The following GRIK4 variants were observed in gnomAD, a reference collection of about 807,000 sequenced individuals.
GRIK4 encodes glutamate receptor ionotropic, kainate 4.
Under a neutral mutation model 104.9 loss-of-function variants are expected in GRIK4, and 40 were observed. The ratio of observed to expected loss-of-function variants is 0.38; its 90% CI spans 0.30 to 0.50. The LOEUF (loss-of-function observed/expected upper bound fraction) is 0.50, where lower values mean the gene tolerates loss of function less well. Among genes scored for constraint, GRIK4 ranks in the 20% least tolerant of loss-of-function variants. The pLI, the probability that GRIK4 is intolerant of heterozygous loss-of-function variation, is 0.93. For missense variants in GRIK4, 1,047 were observed against 1,308.1 expected, an observed-to-expected ratio of 0.80 and a Z score of 3.08; for synonymous variants, 485 against 524.9, an observed-to-expected ratio of 0.92 and a Z score of 1.04.
intron 12 of GRIK4, among the ~76,000 whole-genome samples, chr11:120,899,425 A>G (rs1387461773): frequency 1.3e-5 from 2 of 151,092 alleles, no homozygotes; most frequent in African/African-American, 4.9e-5. Context: ...TCTCAAAAAA[A>G]AAAAAAAAAA....
At chr11:120,889,907 G>A (rs1368229314) in intron 11 of GRIK4, among the ~76,000 whole-genome samples, 1 of 152,108 alleles carries the variant, frequency 6.6e-6, no homozygotes, top group Non-Finnish European at 1.5e-5. Context: ...CCCAGTCAGA[G>A]CTTGCATTTG....
intron 3 of GRIK4, among the ~76,000 whole-genome samples, chr11:120,673,918 C>T (rs1359225161): frequency 6.6e-6 from 1 of 152,194 alleles, no homozygotes; most frequent in Non-Finnish European, 1.5e-5. Context: ...ACTCATTCCT[C>T]CTTTGAATCA....
chr11:120,718,945 G>T (rs760170439), intron 3 of GRIK4, among the ~76,000 whole-genome samples: 9 of 152,208 alleles, frequency 5.9e-5, no homozygotes, highest in Non-Finnish European at 1.0e-4. Flanking sequence ...CATAGGAATG[G>T]TTTGCTAAGA....
chr11:120,923,833 G>C (rs1447276080), intron 13 of GRIK4, among the ~76,000 whole-genome samples: 1 of 152,228 alleles, frequency 6.6e-6, no homozygotes, highest in Non-Finnish European at 1.5e-5. Flanking sequence ...CACACAGCTA[G>C]CCAGAGGCAG....
At chr11:120,951,158 C>G (rs911733311) in intron 14 of GRIK4, among the ~76,000 whole-genome samples, 1 of 152,192 alleles carries the variant, frequency 6.6e-6, no homozygotes, top group Non-Finnish European at 1.5e-5. Context: ...TTTCCATCCT[C>G]TCCGTGTACC....
chr11:120,541,288 G>GT (rs1208555222), intron 1 of GRIK4, among the ~76,000 whole-genome samples: 1 of 152,228 alleles, frequency 6.6e-6, no homozygotes, highest in African/African-American at 2.4e-5. Flanking sequence ...ACTTTGAACA[G>GT]TTATATTGGA....
At chr11:120,877,366 A>G (rs1035579253) in intron 11 of GRIK4, among the ~76,000 whole-genome samples, 2 of 152,224 alleles carry the variant, frequency 1.3e-5, no homozygotes, top group African/African-American at 4.8e-5. Context: ...GAGAGTGCTC[A>G]TGGTCTGTCC....
intron 1 of GRIK4, among the ~76,000 whole-genome samples, chr11:120,612,950 C>T (rs1400226329): frequency 6.6e-6 from 1 of 152,244 alleles, no homozygotes; most frequent in African/African-American, 2.4e-5. Flanking sequence ...GGTGCAAACC[C>T]GAGTGTGTGT....
At chr11:120,808,398 G>A (rs1565364756) in intron 4 of GRIK4, among the ~76,000 whole-genome samples, 1 of 152,198 alleles carries the variant, frequency 6.6e-6, no homozygotes, top group Non-Finnish European at 1.5e-5. Context: ...CCCTCTCAGG[G>A]TTGTTGTAGA....
At chr11:120,685,038 G>A (rs564961925) in intron 3 of GRIK4, among the ~76,000 whole-genome samples, 2 of 152,298 alleles carry the variant, frequency 1.3e-5, no homozygotes, top group South Asian at 4.1e-4. Context: ...CAGATGGAAT[G>A]GAAGGGAACC....
intron 3 of GRIK4, among the ~76,000 whole-genome samples, chr11:120,712,062 C>A (rs943122634): frequency 6.6e-6 from 1 of 152,254 alleles, no homozygotes; most frequent in Non-Finnish European, 1.5e-5. Context: ...CGCTGCTTCA[C>A]GCAGCTTACA....
chr11:120,658,990 C>T (rs1448984253), intron 2 of GRIK4, among the ~76,000 whole-genome samples: 1 of 151,998 alleles, frequency 6.6e-6, no homozygotes, highest in Non-Finnish European at 1.5e-5. Flanking sequence ...CTTCGTGATC[C>T]ACCTGCCTTG....
Position 120,746,794 on chromosome 11 carries a change from T to G in GRIK4, c.83-55899T>G, listed in dbSNP as rs192632538. Among the ~76,000 whole-genome samples the G allele has an allele frequency of 2.6e-5, 4 of 152,262 alleles. No homozygotes were observed. In the East Asian group the frequency reaches 7.7e-4, roughly 29 times the overall value. The stretch of plus-strand genomic sequence containing the variant: ...GAGGCAGAGCTCAGGTTTCCCATCT[T>G]TTCTAAGCACGTCACTCAGTAGGAT... On this transcript the variant is annotated intron_variant, in intron 3 of 20. Coordinates refer to ENST00000527524, the MANE Select transcript of GRIK4 (RefSeq NM_014619.5).
chr11:120,753,388 A>G (rs1951596163), intron 3 of GRIK4, among the ~76,000 whole-genome samples: 1 of 151,670 alleles, frequency 6.6e-6, no homozygotes. Context: ...TGGGAAAATC[A>G]AACAGGTCAG....
At chr11:120,864,544 A>G (rs2135642403) in intron 9 of GRIK4, among the ~76,000 whole-genome samples, 1 of 152,276 alleles carries the variant, frequency 6.6e-6, no homozygotes, top group South Asian at 2.1e-4. Flanking sequence ...CAGTATTTTA[A>G]TAGGTGCTGA....
At chr11:120,551,989 C>A (rs527842276) in intron 1 of GRIK4, among the ~76,000 whole-genome samples, 3 of 152,324 alleles carry the variant, frequency 2.0e-5, no homozygotes, top group Non-Finnish European at 4.4e-5. Context: ...ATCTCTTCAT[C>A]TGTATCCTTT....
chr11:120,638,572 G>A (rs1949429052), intron 1 of GRIK4, among the ~76,000 whole-genome samples: 1 of 151,902 alleles, frequency 6.6e-6, no homozygotes, highest in African/African-American at 2.4e-5. Context: ...CCGCCTCCTG[G>A]GTTCACGCCA....
intron 3 of GRIK4, among the ~76,000 whole-genome samples, chr11:120,753,097 G>C (rs989016904): frequency 6.6e-6 from 1 of 152,256 alleles, no homozygotes. Flanking sequence ...TCCTTTACAG[G>C]AGAGCAGCTG....
intron 1 of GRIK4, among the ~76,000 whole-genome samples, chr11:120,529,608 T>C (rs116804506): frequency 0.031 from 4,727 of 152,314 alleles, 240 homozygotes; most frequent in African/African-American, 0.11. Flanking sequence ...GTGGGGGAAG[T>C]GGGAAAAGTG....
Sources: gnomAD v4.1 joint callset for allele counts (sites outside exome capture counted in the v4.1 genomes callset) on GRCh38, gnomAD v4.1.1 for gene constraint, MANE v1.5 for transcripts, NCBI Gene and HGNC (gene_info 2026-07-23, HGNC 2026-07-21) for gene names.